Variants in BMERB1 observed in about 807,000 individuals in gnomAD.
BMERB1 encodes bMERB domain containing 1.
Under a neutral mutation model 23.6 loss-of-function variants are expected in BMERB1, and 12 were observed. The ratio of observed to expected loss-of-function variants is 0.51; its 90% CI spans 0.33 to 0.82. BMERB1 has a LOEUF of 0.82. Among genes scored for constraint, BMERB1 ranks in the 40% least tolerant of loss-of-function variants. BMERB1 has a pLI of 0.03. For missense variants in BMERB1, 247 were observed against 255.4 expected (o/e 0.97, Z 0.22); for synonymous variants, 122 against 96.6 (o/e 1.26, Z -1.54).
At chr16:15,465,587 A>G (rs1039856416) in intron 1 of BMERB1, among the ~76,000 whole-genome samples, 2 of 152,124 alleles carry the variant, frequency 1.3e-5, no homozygotes, top group African/African-American at 4.8e-5. Flanking sequence ...TCCTGACCTC[A>G]GGTGATCCGC....
rs748229986 is a variant in BMERB1, at chr16:15,586,863, C to G, written c.*34C>G. 10 of 1,353,238 alleles carry G rather than the reference C, an allele frequency of 7.4e-6. No homozygotes were observed. Among genetic ancestry groups the G allele is most frequent in the Admixed American group, 2.2e-5 (1 of 46,024 alleles). 83.8% of individuals were successfully genotyped at this position (1,353,238 alleles called of 1,614,324 possible). ...TGGGGTGCCCTGGGCCATGGGGACC[C>G]CCCCCCACCCTCTTGTCTTTATAGC... On this transcript the variant is annotated 3_prime_UTR_variant, in exon 6 of 6. Transcript: ENST00000300006.
At chr16:15,478,362 T>C (rs1428703718) in intron 1 of BMERB1, among the ~76,000 whole-genome samples, 1 of 152,132 alleles carries the variant, frequency 6.6e-6, no homozygotes, top group African/African-American at 2.4e-5. Flanking sequence ...GGTTTCACCA[T>C]GTTGGCCAAG....
intron 2 of BMERB1, among the ~76,000 whole-genome samples, chr16:15,550,633 C>G (rs549567867): frequency 1.3e-5 from 2 of 152,190 alleles, no homozygotes; most frequent in East Asian, 3.9e-4. Flanking sequence ...CCACCGCGCC[C>G]GGCCTGAAAG....
At chr16:15,507,118 C>T (rs185257443) in intron 1 of BMERB1, among the ~76,000 whole-genome samples, 2 of 152,298 alleles carry the variant, frequency 1.3e-5, no homozygotes, top group East Asian at 3.9e-4. Context: ...GCACCCTGAG[C>T]TTAAATTCCT....
At chr16:15,478,278 G>C (rs1320330132) in intron 1 of BMERB1, among the ~76,000 whole-genome samples, 1 of 152,074 alleles carries the variant, frequency 6.6e-6, no homozygotes, top group East Asian at 1.9e-4. Context: ...TCCTGCCTCA[G>C]CCTCCCAAGT....
intron 2 of BMERB1, among the ~76,000 whole-genome samples, chr16:15,542,333 G>T (rs2052094640): frequency 6.6e-6 from 1 of 152,144 alleles, no homozygotes; most frequent in African/African-American, 2.4e-5. Flanking sequence ...AAAGTGCTGT[G>T]ATTACAGGCG....
intron 1 of BMERB1, among the ~76,000 whole-genome samples, chr16:15,480,389 C>T (rs1335242244): frequency 6.6e-6 from 1 of 152,056 alleles, no homozygotes; most frequent in East Asian, 1.9e-4. Context: ...GCTGGGATTA[C>T]AGGCGTGAGC....
chr16:15,526,806 G>A (rs2150957868), intron 2 of BMERB1, among the ~76,000 whole-genome samples: 1 of 150,772 alleles, frequency 6.6e-6, no homozygotes, highest in East Asian at 1.9e-4. Flanking sequence ...GAGGGAATGG[G>A]GCACACGGGG....
chr16:15,464,146 C>G (rs1286309382), intron 1 of BMERB1, among the ~76,000 whole-genome samples: 1 of 151,928 alleles, frequency 6.6e-6, no homozygotes, highest in South Asian at 2.1e-4. Context: ...AACCCCATCT[C>G]TACTAAAAAT....
intron 2 of BMERB1, among the ~76,000 whole-genome samples, chr16:15,546,876 G>A (rs1475008449): frequency 6.6e-6 from 1 of 151,986 alleles, no homozygotes; most frequent in African/African-American, 2.4e-5. Context: ...AATAAAACTT[G>A]TTTAATCCTA....
chr16:15,475,986 T>A (rs1598460083), intron 1 of BMERB1, among the ~76,000 whole-genome samples: 1 of 152,262 alleles, frequency 6.6e-6, no homozygotes, highest in East Asian at 1.9e-4. Flanking sequence ...TGATGCCATG[T>A]GACCCAAAGC....
intron 1 of BMERB1, among the ~76,000 whole-genome samples, chr16:15,494,481 G>T (rs1598470632): frequency 1.3e-5 from 2 of 152,228 alleles, no homozygotes; most frequent in East Asian, 3.9e-4. Flanking sequence ...GAACTCTTGT[G>T]TCATCTCTTT....
chr16:15,571,328 G>A (rs1191718494), intron 3 of BMERB1, among the ~76,000 whole-genome samples: 1 of 151,810 alleles, frequency 6.6e-6, no homozygotes, highest in Non-Finnish European at 1.5e-5. Context: ...GAAAAGTTAA[G>A]CTTGGGAACT....
intron 1 of BMERB1, among the ~76,000 whole-genome samples, chr16:15,438,501 G>A (rs1023308750): frequency 1.1e-4 from 15 of 135,996 alleles, no homozygotes; most frequent in Non-Finnish European, 1.6e-4. Flanking sequence ...TTGCTCTGTC[G>A]CCCAGGCTGG....
intron 1 of BMERB1, among the ~76,000 whole-genome samples, chr16:15,467,276 T>C (rs1004529529): frequency 5.9e-5 from 9 of 152,346 alleles, no homozygotes; most frequent in African/African-American, 2.2e-4. Context: ...AACTATTTTC[T>C]AGAGTGGTTG....
intron 2 of BMERB1, among the ~76,000 whole-genome samples, chr16:15,532,334 C>T (rs537388605): frequency 4.0e-5 from 6 of 151,870 alleles, no homozygotes; most frequent in Admixed American, 1.3e-4. Context: ...TGGGTTCAAG[C>T]GATTCTCCTG....
At chr16:15,562,303 CAAA>C (rs55709812) in intron 2 of BMERB1, among the ~76,000 whole-genome samples, 2 of 79,442 alleles carry the variant, frequency 2.5e-5, no homozygotes, top group Non-Finnish European at 2.5e-5. Flanking sequence ...AACTCTTTTT[CAAA>C]AAAAAAAAAA....
chr16:15,464,388 C>T (rs1366625502), intron 1 of BMERB1, among the ~76,000 whole-genome samples: 1 of 151,070 alleles, frequency 6.6e-6, no homozygotes, highest in Non-Finnish European at 1.5e-5. Context: ...TTTGGGAGGC[C>T]AAGGCGGGAG....
intron 1 of BMERB1, among the ~76,000 whole-genome samples, chr16:15,480,907 C>T (rs1320158157): frequency 2.6e-5 from 4 of 151,940 alleles, no homozygotes; most frequent in Admixed American, 2.0e-4. Context: ...CCACTGTGCC[C>T]GGCCAGGAAT....
Sources: allele counts gnomAD v4.1 joint callset (sites outside exome capture counted in the v4.1 genomes callset), GRCh38; gene constraint gnomAD v4.1.1; transcripts MANE v1.5; gene names NCBI Gene and HGNC (gene_info 2026-07-23, HGNC 2026-07-21).